EFHB: variants seen among roughly 807,000 people sequenced by gnomAD.
EFHB encodes EF-hand domain-containing family member B.
Under a neutral mutation model 87.2 loss-of-function variants are expected in EFHB, and 91 were observed. The ratio of observed to expected loss-of-function variants is 1.04; its 90% CI spans 0.88 to 1.24. EFHB has a LOEUF of 1.24. EFHB is among the 50% of genes most tolerant of loss of function. The pLI is 0.00. For synonymous variants in EFHB, 325 were observed against 333.6 expected (o/e 0.97, Z 0.28); for missense variants, 1,084 against 998.8 (o/e 1.09, Z -1.15).
At chr3:19,931,121 C>A (rs189319541) in intron 1 of EFHB, among the ~76,000 whole-genome samples, 17 of 152,188 alleles carry the variant, frequency 1.1e-4, no homozygotes, top group African/African-American at 4.1e-4. Context: ...TGAGATTGCA[C>A]CCCTGCACTC....
chr3:19,920,739 C>T (rs1695411095), intron 1 of EFHB, among the ~76,000 whole-genome samples, 172 bp from the exon 2 acceptor site: 1 of 152,134 alleles, frequency 6.6e-6, no homozygotes, highest in Non-Finnish European at 1.5e-5. Flanking sequence ...ACGTAACAAA[C>T]ATTAAATGCT....
intron 1 of EFHB, chr3:19,943,286 G>C (rs17006410): frequency 4.1e-6 from 1 of 246,044 alleles, no homozygotes; most frequent in African/African-American, 2.3e-5. Context: ...ATGGTGCCAA[G>C]ATGAATACCA....
chr3:19,918,273 A>C lies in EFHB; in HGVS notation c.1136T>G (p.Met379Arg). Residue 379 changes from methionine (M) to arginine (R), a missense_variant, in exon 4 of 13, where the codon ATG becomes AGG. Transcript: ENST00000295824. ...HDQAPGLPKG[M>R]DTTNTTFGTA... ...CCCAAATGTCGTATTGGTTGTGTCC[A>C]TGCCTTTTGGTAATCCTGGTGCTTG... 20 of 1,612,732 alleles carry C rather than the reference A, an allele frequency of 1.2e-5. No individual in the cohort carries two copies. Among genetic ancestry groups the C allele is most frequent in the Non-Finnish European group, 1.7e-5 (20 of 1,179,654 alleles).
At chr3:19,936,912 T>TA (rs1553636182), upstream of EFHB, among the ~76,000 whole-genome samples, 4 of 140,688 alleles carry the variant, frequency 2.8e-5, no homozygotes, top group South Asian at 4.4e-4. Flanking sequence ...AATAAATAAA[T>TA]AAAAAGTGAG....
intron 10 of EFHB, 33 bp downstream of exon 10, chr3:19,888,410 AT>A (rs1476209636): frequency 9.2e-6 from 11 of 1,201,718 alleles, no homozygotes; most frequent in Non-Finnish European, 1.2e-5. Flanking sequence ...ATTTAAAAAA[AT>A]AATAATTCAT....
At chr3:19,915,492 T>C (rs1252983952) in intron 4 of EFHB, 79 bp from the exon 5 acceptor site, 2 of 889,292 alleles carry the variant, frequency 2.2e-6, no homozygotes, top group African/African-American at 3.4e-5. Context: ...CTAGAACAAA[T>C]GAGAAATTAG....
At chr3:19,891,005 C>T (rs143582807) in intron 9 of EFHB, among the ~76,000 whole-genome samples, 2 of 152,278 alleles carry the variant, frequency 1.3e-5, no homozygotes, top group African/African-American at 4.8e-5. Context: ...AAGAATGCAG[C>T]CAGCCCAACC....
At chr3:19,884,676 C>T in intron 10 of EFHB, 61 bp from the exon 11 acceptor site, 2 of 1,502,980 alleles carry the variant, frequency 1.3e-6, no homozygotes, top group South Asian at 2.4e-5. Context: ...GTGCTTGCTG[C>T]TCTGTAACAG....
intron 9 of EFHB, 53 bp downstream of exon 9, chr3:19,896,634 T>C: frequency 6.2e-7 from 1 of 1,612,748 alleles, no homozygotes; most frequent in Non-Finnish European, 8.5e-7. Flanking sequence ...TACACCAAAC[T>C]GCTGGGATCT....
chr3:19,886,252 T>C (rs9875453), intron 10 of EFHB, among the ~76,000 whole-genome samples: 3,820 of 152,184 alleles, frequency 0.025, 175 homozygotes, highest in African/African-American at 0.087. Flanking sequence ...TCCTAGTGGA[T>C]AGAATAGAAA....
At chr3:19,945,497 G>C (rs1277661645) in intron 1 of EFHB, among the ~76,000 whole-genome samples, 1 of 152,174 alleles carries the variant, frequency 6.6e-6, no homozygotes, top group Non-Finnish European at 1.5e-5. Context: ...TTTGTGAGGA[G>C]AAGAAAGAGG....
At chr3:19,899,181 A>G (rs1008740611) in intron 7 of EFHB, among the ~76,000 whole-genome samples, 1 of 152,226 alleles carries the variant, frequency 6.6e-6, no homozygotes, top group African/African-American at 2.4e-5. Context: ...TAAATCTCTG[A>G]TATCCCAGAA....
At chr3:19,918,477 C>T (rs973986823) in intron 3 of EFHB, 65 bp from the exon 4 acceptor site, 5 of 1,412,160 alleles carry the variant, frequency 3.5e-6, no homozygotes, top group Non-Finnish European at 4.7e-6. Context: ...AATAGAAACC[C>T]TAATCAATAG....
rs1695923504 is a variant in EFHB, at chr3:19,933,807, T to G, written c.212A>C (p.Glu71Ala). ...AATATTCTGTCTTTCTAATCCCATT[T>G]CAAGCCCCTTGCTCAATGGAAATTT... Reference protein sequence around the residue: ...ETKFPLSKGLEMGLERQNISR... With the variant: ...ETKFPLSKGLAMGLERQNISR... The change falls in exon 1 of 13, where the codon GAA (glutamate) becomes GCA (alanine). Residue 71 changes from glutamate (E) to alanine (A), a missense_variant. By Grantham distance (107) the Glu-to-Ala change is moderately radical (BLOSUM62 -1). Coordinates refer to ENST00000295824, the MANE Select transcript of EFHB (RefSeq NM_144715.4). The G allele has an allele frequency of 6.2e-7, 1 of 1,614,014 alleles. No homozygotes were observed. The highest frequency in any genetic ancestry group is 8.5e-7 in the Non-Finnish European group (1 of 1,179,892).
In EFHB at chr3:19,901,665, C is replaced by T. The variant is rs564519564; in HGVS notation, c.1419-2150G>A. The stretch of plus-strand genomic sequence containing the variant: ...GAGTTAACAATCTAAAAATCAGCTC[C>T]AGGCCAGGCGCAGCGGCTCACACCT... On this transcript the variant is annotated intron_variant, in intron 6 of 12. Transcript: ENST00000295824. 1.6e-4 allele frequency among the ~76,000 whole-genome samples: 25 copies of T among 151,834 alleles called. No homozygotes were observed. In the South Asian group the frequency reaches 5.2e-3, roughly 31 times the overall value.
intron 5 of EFHB, among the ~76,000 whole-genome samples, chr3:19,912,225 T>A (rs1695088280): frequency 2.6e-5 from 4 of 152,124 alleles, no homozygotes; most frequent in Admixed American, 2.6e-4. Flanking sequence ...CAACATACAA[T>A]GGAGCTTCAA....
chr3:19,888,806 A>C (rs1158503488), intron 9 of EFHB, among the ~76,000 whole-genome samples, 155 bp from the exon 10 acceptor site: 1 of 152,250 alleles, frequency 6.6e-6, no homozygotes, highest in Non-Finnish European at 1.5e-5. Flanking sequence ...CGCTGGTTAG[A>C]CCGTGGTAGA....
intron 5 of EFHB, among the ~76,000 whole-genome samples, chr3:19,914,023 A>C (rs1266709466): frequency 6.6e-6 from 1 of 152,216 alleles, no homozygotes; most frequent in Non-Finnish European, 1.5e-5. Flanking sequence ...GGCTCACTGC[A>C]ACCTGGAACT....
At chr3:19,908,586 G>GAAAGAA (rs1288771346) in intron 5 of EFHB, among the ~76,000 whole-genome samples, 2 of 101,540 alleles carry the variant, frequency 2.0e-5, no homozygotes, top group Admixed American at 9.8e-5. Context: ...GAGAGAGAGA[G>GAAAGAA]AGAGAGAGAG....
Sources: gnomAD v4.1 joint callset for allele counts (sites outside exome capture counted in the v4.1 genomes callset) on GRCh38, gnomAD v4.1.1 for gene constraint, MANE v1.5 for transcripts, NCBI Gene and HGNC (gene_info 2026-07-23, HGNC 2026-07-21) for gene names.